PMFBP1: variants seen among roughly 807,000 people sequenced by gnomAD.
PMFBP1 encodes polyamine-modulated factor 1-binding protein 1.
Under a neutral mutation model 137.8 loss-of-function variants are expected in PMFBP1, and 131 were observed. The observed-to-expected ratio is 0.95, with a 90% CI of 0.82 to 1.10. The LOEUF (loss-of-function observed/expected upper bound fraction) is 1.10, where lower values mean the gene tolerates loss of function less well. PMFBP1 is among the 50% of genes least tolerant of loss of function. The pLI is 0.00. For missense variants in PMFBP1, 1,199 were observed against 1,175.4 expected, an observed-to-expected ratio of 1.02 and a Z score of -0.29; for synonymous variants, 490 against 450.4, an observed-to-expected ratio of 1.09 and a Z score of -1.11.
At chr16:72,211,352 C>G in the PMFBP1 span, among the ~76,000 whole-genome samples, 1 of 152,168 alleles carries the variant, frequency 6.6e-6, no homozygotes, top group Non-Finnish European at 1.5e-5. Flanking sequence ...AGTTTCTTCT[C>G]TGAATAAACT....
At chr16:72,153,140 AC>A (rs2144425711) in intron 4 of PMFBP1, among the ~76,000 whole-genome samples, 1 of 152,318 alleles carries the variant, frequency 6.6e-6, no homozygotes, top group African/African-American at 2.4e-5. Flanking sequence ...GTTGTAGTGA[AC>A]CACTAAGTTT....
chr16:72,246,415 G>A, the PMFBP1 span, among the ~76,000 whole-genome samples: 3 of 152,006 alleles, frequency 2.0e-5, no homozygotes, highest in Admixed American at 6.5e-5. Context: ...AAATGAAAGC[G>A]CCATATGACA....
At chr16:72,136,279 A>T (rs2042629778) in intron 9 of PMFBP1, among the ~76,000 whole-genome samples, 169 bp downstream of exon 9, 1 of 152,174 alleles carries the variant, frequency 6.6e-6, no homozygotes. Context: ...GATGAGAAAT[A>T]CCAAAGAAGT....
chr16:72,185,044 G>T, the PMFBP1 span, among the ~76,000 whole-genome samples: 1 of 147,556 alleles, frequency 6.8e-6, no homozygotes, highest in African/African-American at 2.5e-5. Context: ...TTTTTTTTGA[G>T]ACGGAGTCTC....
In PMFBP1 at chr16:72,154,305, G is replaced by C; in HGVS notation, c.320C>G (p.Ser107Cys). The C allele has an allele frequency of 1.2e-6, 2 of 1,614,160 alleles. No homozygotes were observed. The highest frequency in any genetic ancestry group is 2.2e-5 in the South Asian group (2 of 91,084). Reference protein sequence around the residue: ...LEFHTEELQTSYYSLRQYQSI... With the variant: ...LEFHTEELQTCYYSLRQYQSI... ...CTGATACTGGCGGAGAGAATAGTAA[G>C]AAGTCTGCAACTCCTCTGTGTGAAA... Residue 107 changes from serine to cysteine, a missense_variant, in exon 4 of 21, where the codon TCT (serine) becomes TGT (cysteine). Coordinates refer to ENST00000237353, the MANE Select transcript of PMFBP1 (RefSeq NM_031293.3).
At position 72,129,143 on chromosome 16, in the gene PMFBP1, T is replaced by C. The variant is rs576456395; in HGVS notation, c.1873A>G (p.Lys625Glu). 64 of 1,614,268 alleles carry C rather than the reference T, an allele frequency of 4.0e-5. 1 individual carries two copies. The South Asian group carries it at 6.7e-4, about 17-fold the overall frequency. Residue 625 changes from lysine (K) to glutamate (E), a missense_variant, in exon 13 of 21, where the codon AAG (lysine) becomes GAG (glutamate). Transcript: ENST00000237353. Reference sequence around the variant, plus strand: ...ATCAGCTTCTCATGCTCTTTGCTCTTCTTCAACTGCTCCCGTTTGTCCTCC... The same window carrying C: ...ATCAGCTTCTCATGCTCTTTGCTCTCCTTCAACTGCTCCCGTTTGTCCTCC... ...LLEDKREQLK[K>E]SKEHEKLMEG...
At position 72,132,942 on chromosome 16, in the gene PMFBP1, G is replaced by A; in HGVS notation, c.1253C>T (p.Thr418Ile). 1 of 1,614,156 alleles carries A rather than the reference G, an allele frequency of 6.2e-7. No homozygotes were observed. The highest frequency in any genetic ancestry group is 1.3e-5 in the African/African-American group (1 of 75,028). ...EMLQELEKKL[T>I]QVQNSLLKKE... The stretch of plus-strand genomic sequence containing the variant: ...TTTCAGGAGGCTGTTCTGAACCTGT[G>A]TCAGTTTCTTCTCCAGCTCTTGCAG... The change falls in exon 10 of 21, where the codon ACA becomes ATA. Residue 418 changes from threonine to isoleucine, a missense_variant. Thr to Ile is a moderately conservative substitution (Grantham distance 89, BLOSUM62 -1). Transcript: ENST00000237353.
chr16:72,234,619 A>C, the PMFBP1 span, among the ~76,000 whole-genome samples: 5 of 152,174 alleles, frequency 3.3e-5, no homozygotes, highest in African/African-American at 9.6e-5. Flanking sequence ...CCAGTGTCAC[A>C]TGGGGCTGTC....
chr16:72,213,072 T>C, the PMFBP1 span, among the ~76,000 whole-genome samples: 1 of 152,054 alleles, frequency 6.6e-6, no homozygotes, highest in Non-Finnish European at 1.5e-5. Context: ...AGATGTGCTC[T>C]CCTAAAATGA....
At chr16:72,243,802 A>C in the PMFBP1 span, among the ~76,000 whole-genome samples, 1 of 152,106 alleles carries the variant, frequency 6.6e-6, no homozygotes, top group Admixed American at 6.6e-5. Flanking sequence ...CCAGACCAAG[A>C]GATTAAAGGG....
chr16:72,179,120 A>G (rs1567647089), upstream of PMFBP1, among the ~76,000 whole-genome samples: 1 of 152,150 alleles, frequency 6.6e-6, no homozygotes, highest in Non-Finnish European at 1.5e-5. Flanking sequence ...AAAGGGCTCA[A>G]CAAAAAAGTC....
the PMFBP1 span, among the ~76,000 whole-genome samples, chr16:72,190,346 A>C: frequency 6.6e-6 from 1 of 152,208 alleles, no homozygotes; most frequent in African/African-American, 2.4e-5. Context: ...GTGGACAGCC[A>C]GCTCGTGAAG....
chr16:72,211,613 T>C, the PMFBP1 span, among the ~76,000 whole-genome samples: 1 of 152,144 alleles, frequency 6.6e-6, no homozygotes, highest in Non-Finnish European at 1.5e-5. Flanking sequence ...GAAAAAAACC[T>C]TCTAGTTCAT....
At chr16:72,161,023 C>G (rs534277736) in intron 3 of PMFBP1, among the ~76,000 whole-genome samples, 1 of 150,670 alleles carries the variant, frequency 6.6e-6, no homozygotes, top group South Asian at 2.1e-4. Flanking sequence ...CTGTTCCTAT[C>G]TTTGAAGTAA....
intron 7 of PMFBP1, among the ~76,000 whole-genome samples, chr16:72,138,612 T>A (rs1162967711): frequency 6.6e-6 from 1 of 152,088 alleles, no homozygotes; most frequent in Non-Finnish European, 1.5e-5. Context: ...ACCTCCTGGG[T>A]TGAAGTGATT....
At chr16:72,128,457 T>C in intron 14 of PMFBP1, 200 bp downstream of exon 14, 3 of 1,526,492 alleles carry the variant, frequency 2.0e-6, no homozygotes, top group Non-Finnish European at 2.6e-6. Flanking sequence ...AGATGAGACC[T>C]TCCACATATG....
chr16:72,165,934 C>T (rs1020189945), intron 2 of PMFBP1, among the ~76,000 whole-genome samples: 1 of 152,046 alleles, frequency 6.6e-6, no homozygotes, highest in Non-Finnish European at 1.5e-5. Flanking sequence ...GATGGTGGGG[C>T]TTTATCACTC....
the PMFBP1 span, among the ~76,000 whole-genome samples, chr16:72,186,149 C>T: frequency 6.6e-6 from 1 of 152,160 alleles, no homozygotes; most frequent in African/African-American, 2.4e-5. Flanking sequence ...TACTCTGGTC[C>T]AGTCAAGTTT....
upstream of PMFBP1, among the ~76,000 whole-genome samples, chr16:72,179,962 C>T (rs756957089): frequency 5.3e-5 from 8 of 152,118 alleles, 1 homozygote; most frequent in Non-Finnish European, 1.0e-4. Context: ...TTGGTGTGTT[C>T]GAGGGGTGGG....
Sources: allele counts gnomAD v4.1 joint callset (sites outside exome capture counted in the v4.1 genomes callset), GRCh38; gene constraint gnomAD v4.1.1; transcripts MANE v1.5; gene names NCBI Gene and HGNC (gene_info 2026-07-23, HGNC 2026-07-21).